TRDN: variants seen among roughly 807,000 people sequenced by gnomAD.
The protein encoded by TRDN is triadin.
Under a neutral mutation model 149.7 loss-of-function variants are expected in TRDN, and 161 were observed. The observed-to-expected ratio is 1.08, with a 90% confidence interval of 0.95 to 1.23. The LOEUF is 1.23. TRDN is among the 50% of genes most tolerant of loss of function. TRDN has a pLI of 0.00. For missense variants in TRDN, 896 were observed against 823.5 expected (o/e 1.09, Z -1.08); for synonymous variants, 294 against 250.5 (o/e 1.17, Z -1.64).
chr6:123,464,305 A>G (rs1202020846), intron 10 of TRDN: 4 of 984,860 alleles, frequency 4.1e-6, no homozygotes, highest in East Asian at 1.1e-4. Context: ...CATATTTTCA[A>G]GAATTATTAG....
At position 123,220,732 on chromosome 6, in the gene TRDN, A is replaced by C. The variant is rs556538036; in HGVS notation, c.2050+755T>G. ...AGTAATTTCCTGCACAAAAACATCC[A>C]AAAAGCACTGGAGAATCAAGAGACG... is the stretch of plus-strand genomic sequence containing the variant. On this transcript the variant is annotated intron_variant, in intron 40 of 40. Coordinates refer to ENST00000334268, the MANE Select transcript of TRDN (RefSeq NM_006073.4). 5.9e-5 allele frequency among the ~76,000 whole-genome samples: 9 copies of C among 151,892 alleles called. No homozygotes were observed. In the South Asian group the frequency reaches 1.9e-3, roughly 31 times the overall value.
intron 10 of TRDN, among the ~76,000 whole-genome samples, chr6:123,459,601 C>T (rs1776333456): frequency 6.6e-6 from 1 of 152,134 alleles, no homozygotes; most frequent in Admixed American, 6.6e-5. Flanking sequence ...ACCCTGCAAA[C>T]CTTTAAAAGT....
At chr6:123,350,170 A>G (rs1780405430) in intron 21 of TRDN, 1 of 969,392 alleles carries the variant, frequency 1.0e-6, no homozygotes, top group Non-Finnish European at 1.2e-6. Context: ...TTATTTAATT[A>G]CCTAAAAATA....
intron 24 of TRDN, among the ~76,000 whole-genome samples, chr6:123,285,947 G>C (rs908431145): frequency 6.6e-6 from 1 of 151,830 alleles, no homozygotes; most frequent in African/African-American, 2.4e-5. Flanking sequence ...TAATAATCAG[G>C]GAAACACAAA....
At chr6:123,413,925 A>C (rs1232465578) in intron 12 of TRDN, among the ~76,000 whole-genome samples, 1 of 152,106 alleles carries the variant, frequency 6.6e-6, no homozygotes, top group Non-Finnish European at 1.5e-5. Context: ...TCTCTACCAG[A>C]TTAAGAGTTA....
intron 9 of TRDN, among the ~76,000 whole-genome samples, chr6:123,480,417 A>C (rs1777697130): frequency 1.3e-5 from 2 of 152,148 alleles, no homozygotes; most frequent in African/African-American, 2.4e-5. Context: ...CATTTAATTT[A>C]ATCGATCCCT....
chr6:123,602,299 G>A (rs1226485435), intron 1 of TRDN, among the ~76,000 whole-genome samples: 1 of 152,010 alleles, frequency 6.6e-6, no homozygotes, highest in Non-Finnish European at 1.5e-5. Context: ...GGAGCTGGGG[G>A]CATTATTCTA....
intron 24 of TRDN, among the ~76,000 whole-genome samples, chr6:123,315,445 T>C (rs1381094857): frequency 6.6e-6 from 1 of 151,954 alleles, no homozygotes; most frequent in Non-Finnish European, 1.5e-5. Context: ...AAACAATTTA[T>C]TTTGATCTGA....
chr6:123,284,345 C>T (rs547553900), intron 24 of TRDN, among the ~76,000 whole-genome samples: 29 of 151,886 alleles, frequency 1.9e-4, no homozygotes, highest in African/African-American at 7.0e-4. Flanking sequence ...ACTAGGGATG[C>T]AGGGATGGTT....
At chr6:123,606,359 G>T (rs949701766) in intron 1 of TRDN, among the ~76,000 whole-genome samples, 29 of 151,694 alleles carry the variant, frequency 1.9e-4, no homozygotes, top group African/African-American at 6.8e-4. Context: ...AACAAGCATG[G>T]TTTTTTTCCC....
chr6:123,562,055 T>G lies in TRDN; in HGVS notation c.232+8868A>C, dbSNP rs550668191. On this transcript the variant is annotated intron_variant, in intron 2 of 40. Transcript: ENST00000334268. Reference sequence around the variant, plus strand: ...TTCCACCACAAAAGAAGTGAAAATGTCCGGTCCCTGCCTTAACTGATGACA... The same window carrying G: ...TTCCACCACAAAAGAAGTGAAAATGGCCGGTCCCTGCCTTAACTGATGACA... 5.3e-5 allele frequency among the ~76,000 whole-genome samples: 8 copies of G among 152,218 alleles called. No individual in the cohort carries two copies. The East Asian group carries it at 5.8e-4, about 11-fold the overall frequency.
At chr6:123,433,826 T>C in intron 12 of TRDN, 1 of 152,324 alleles carries the variant, frequency 6.6e-6, no homozygotes, top group South Asian at 2.1e-4. Flanking sequence ...TGGGTCATCT[T>C]AGCTTTGGCC....
At position 123,217,475 on chromosome 6, in the gene TRDN, T is replaced by C. The variant is rs1213646021; in HGVS notation, c.*1126A>G. The C allele has an allele frequency of 2.6e-5, 4 of 151,876 alleles. No homozygotes were observed. Among genetic ancestry groups the C allele is most frequent in the African/African-American group, 7.2e-5 (3 of 41,380 alleles). 9.4% of individuals were successfully genotyped at this position (151,876 alleles called of 1,614,324 possible). A position where few individuals can be genotyped will look rare whatever the true frequency, so the allele number is the denominator to read the frequency against. On this transcript the variant is annotated 3_prime_UTR_variant, in exon 41 of 41. Transcript: ENST00000334268. ...TGACTTTTAGAGTTGATAAAAACAA[T>C]GTAGTAAAGAACACGAGTATTTATA...
chr6:123,565,690 C>T (rs1004177215), intron 2 of TRDN, among the ~76,000 whole-genome samples: 2 of 152,178 alleles, frequency 1.3e-5, no homozygotes, highest in African/African-American at 4.8e-5. Context: ...AGCTCACGCT[C>T]ATGATCCCAG....
At chr6:123,331,485 A>G (rs1381285785) in intron 23 of TRDN, among the ~76,000 whole-genome samples, 1 of 152,090 alleles carries the variant, frequency 6.6e-6, no homozygotes, top group Non-Finnish European at 1.5e-5. Flanking sequence ...TCTATTATAT[A>G]TGAACTTACA....
At chr6:123,416,236 A>T (rs1044616685) in intron 12 of TRDN, among the ~76,000 whole-genome samples, 1 of 152,164 alleles carries the variant, frequency 6.6e-6, no homozygotes, top group East Asian at 1.9e-4. Flanking sequence ...ATCTGTACTC[A>T]GGCCCTTTGA....
At chr6:123,619,627 A>G (rs1785277599) in intron 1 of TRDN, among the ~76,000 whole-genome samples, 1 of 152,180 alleles carries the variant, frequency 6.6e-6, no homozygotes, top group South Asian at 2.1e-4. Context: ...ACCTCTCAAG[A>G]GAAGAAGAGT....
At chr6:123,353,181 T>C (rs1423784406) in intron 20 of TRDN, among the ~76,000 whole-genome samples, 1 of 151,846 alleles carries the variant, frequency 6.6e-6, no homozygotes, top group Admixed American at 6.6e-5. Context: ...AATGATTCAT[T>C]TGGAATCAGT....
chr6:123,281,766 G>A (rs907076120), intron 24 of TRDN, among the ~76,000 whole-genome samples: 3 of 151,998 alleles, frequency 2.0e-5, no homozygotes, highest in Non-Finnish European at 4.4e-5. Context: ...CCACAAAGCT[G>A]TCCAATTATA....
Sources: allele counts gnomAD v4.1 joint callset (sites outside exome capture counted in the v4.1 genomes callset), GRCh38; gene constraint gnomAD v4.1.1; transcripts MANE v1.5; gene names NCBI Gene and HGNC (gene_info 2026-07-23, HGNC 2026-07-21).